LCP2: variants seen among roughly 807,000 people sequenced by gnomAD.
LCP2 encodes the protein lymphocyte cytosolic protein 2, also known as 76 kDa tyrosine phosphoprotein.
Under a neutral mutation model 74.5 loss-of-function variants are expected in LCP2, and 29 were observed. The ratio of observed to expected loss-of-function variants is 0.39; its 90% CI spans 0.29 to 0.53. The LOEUF (loss-of-function observed/expected upper bound fraction) is 0.53, where lower values mean the gene tolerates loss of function less well. Ranked by LOEUF, LCP2 falls within the 20% of genes least tolerant of loss-of-function variation. The pLI is 0.72. For missense variants in LCP2, 604 were observed against 634.6 expected, an observed-to-expected ratio of 0.95 and a Z score of 0.52; for synonymous variants, 228 against 229.5, an observed-to-expected ratio of 0.99 and a Z score of 0.06.
At chr5:170,253,755 C>T (rs1761497779) in intron 17 of LCP2, among the ~76,000 whole-genome samples, 1 of 152,216 alleles carries the variant, frequency 6.6e-6, no homozygotes. Flanking sequence ...TGGCTACCCG[C>T]TGTTCTAACT....
chr5:170,275,848 C>T lies in LCP2; in HGVS notation c.201G>A (p.Lys67=). 1 of 1,573,382 alleles carries T rather than the reference C, an allele frequency of 6.4e-7. No individual in the cohort carries two copies. The highest frequency in any genetic ancestry group is 8.6e-7 in the Non-Finnish European group (1 of 1,156,852). The change falls in exon 4 of 21, where the codon AAG becomes AAA. Residue 67 remains lysine, a synonymous_variant. Transcript: ENST00000046794. ...CGTTCTTGTTGATTTCCTGACTTAA[C>T]TTACTGAGAATCCTGCAAGATAAAG... ...FPKLRVPILS[K]LSQEINKNEE...
chr5:170,266,201 C>T lies in LCP2; in HGVS notation c.772+607G>A, dbSNP rs2860037. 1.7e-4 allele frequency among the ~76,000 whole-genome samples: 26 copies of T among 152,296 alleles called. No homozygotes were observed. The East Asian group carries it at 4.6e-3, about 27-fold the overall frequency. ...AAGGTAACTGCAATCCAAGAATATTCTGCGTAAATTGTGAAGAAAAAGCAC... is the reference window on the plus strand; with the variant it reads ...AAGGTAACTGCAATCCAAGAATATTTTGCGTAAATTGTGAAGAAAAAGCAC... On this transcript the variant is annotated intron_variant, in intron 10 of 20. Coordinates refer to ENST00000046794, the MANE Select transcript of LCP2 (RefSeq NM_005565.5).
chr5:170,272,717 A>G (rs1761917909), intron 6 of LCP2, among the ~76,000 whole-genome samples: 1 of 144,380 alleles, frequency 6.9e-6, no homozygotes, highest in Non-Finnish European at 1.5e-5. Context: ...GGTTCAAGCA[A>G]TTCTCCTGCC....
At chr5:170,289,623 T>C (rs1347224687) in intron 2 of LCP2, among the ~76,000 whole-genome samples, 1 of 92,210 alleles carries the variant, frequency 1.1e-5, no homozygotes, top group African/African-American at 4.6e-5. Flanking sequence ...TTCTTTTTCT[T>C]TCTTTCTTTC....
In LCP2 at chr5:170,297,705, C is replaced by A; in HGVS notation, c.-94G>T. The stretch of plus-strand genomic sequence containing the variant: ...ATCCAGAGCTCGGAGGCGTTCTTGG[C>A]TCTTCCAACTCCCAGCTACCCTGTG... On this transcript the variant is annotated 5_prime_UTR_variant, in exon 1 of 21. Transcript: ENST00000046794. 1 of 1,001,208 alleles carries A rather than the reference C, an allele frequency of 1.0e-6. No homozygotes were observed. Among genetic ancestry groups the A allele is most frequent in the South Asian group, 1.6e-5 (1 of 62,966 alleles). 62.0% of individuals were successfully genotyped at this position (1,001,208 alleles called of 1,614,324 possible).
In LCP2 at chr5:170,287,937, C is replaced by T. The variant is rs374566842; in HGVS notation, c.188+33G>A. On this transcript the variant is annotated intron_variant, in intron 3 of 20. Transcript: ENST00000046794. The stretch of plus-strand genomic sequence containing the variant: ...CTACTCCCCATTCCCACCTCTGCTC[C>T]CAGATCACCCATAGAGTTGGAGGAG... 5.6e-6 allele frequency: 9 copies of T among 1,604,194 alleles called. No homozygotes were observed. In the African/African-American group the frequency reaches 1.1e-4, roughly 19 times the overall value.
At chr5:170,260,092 C>T (rs962400373) in intron 14 of LCP2, among the ~76,000 whole-genome samples, 1 of 152,210 alleles carries the variant, frequency 6.6e-6, no homozygotes, top group Admixed American at 6.5e-5. Flanking sequence ...TCCCCATGGG[C>T]TTTCTTTAAG....
chr5:170,253,354 G>C (rs1761490112), intron 17 of LCP2, 141 bp from the exon 18 acceptor site: 2 of 521,780 alleles, frequency 3.8e-6, no homozygotes, highest in Middle Eastern at 4.0e-4. Context: ...AGAAACAAGG[G>C]CTTCAAAAAT....
At position 170,256,844 on chromosome 5, in the gene LCP2, T is replaced by G. The variant is rs1761561760; in HGVS notation, c.1101-269A>C. On this transcript the variant is annotated intron_variant, in intron 16 of 20. Transcript: ENST00000046794. The surrounding 1 kb of genome is among the most constrained non-coding windows in gnomAD (Gnocchi z 4.5). ...AACTGTGTAAAGGGCACTTAACAGT[T>G]ACTTTAAAAATTGGCTGCAACTTGA... Among the ~76,000 whole-genome samples the G allele has an allele frequency of 6.6e-6, 1 of 152,208 alleles. No homozygotes were observed. The highest frequency in any genetic ancestry group is 1.5e-5 in the Non-Finnish European group (1 of 68,042).
chr5:170,290,710 C>T (rs1435071850), intron 2 of LCP2, among the ~76,000 whole-genome samples: 1 of 152,162 alleles, frequency 6.6e-6, no homozygotes, highest in East Asian at 1.9e-4. Context: ...CCCCTGGCAC[C>T]CGCCTATACA....
intron 3 of LCP2, among the ~76,000 whole-genome samples, chr5:170,283,044 T>G (rs1762130029): frequency 1.3e-5 from 2 of 152,190 alleles, no homozygotes; most frequent in African/African-American, 4.8e-5. Flanking sequence ...TGTTATACAT[T>G]TCTGCCAAGA....
chr5:170,274,976 CA>C (rs57336424), intron 5 of LCP2, among the ~76,000 whole-genome samples: 10,733 of 65,606 alleles, frequency 0.16, 1,259 homozygotes, highest in African/African-American at 0.42. Context: ...GACTCTGTCT[CA>C]AAAAAAAAAA....
intron 7 of LCP2, among the ~76,000 whole-genome samples, chr5:170,269,138 AC>A (rs1448638691): frequency 6.6e-6 from 1 of 152,210 alleles, no homozygotes; most frequent in Non-Finnish European, 1.5e-5. Context: ...AACTTCTGTT[AC>A]CAGACCACAG....
At chr5:170,249,364 ATATATATATATATATATCTACATATC>A (rs1245351841) in intron 20 of LCP2, among the ~76,000 whole-genome samples, 1 of 114,230 alleles carries the variant, frequency 8.8e-6, no homozygotes. Context: ...ATGCGTGTGT[ATATATATATATATATATCTACATATC>A]TATATATATA....
intron 6 of LCP2, among the ~76,000 whole-genome samples, chr5:170,273,587 T>C (rs1761933690): frequency 6.6e-6 from 1 of 152,138 alleles, no homozygotes; most frequent in East Asian, 1.9e-4. Flanking sequence ...TCTACGCACG[T>C]CACGTTCTGC....
intron 3 of LCP2, among the ~76,000 whole-genome samples, chr5:170,278,134 TGCA>T (rs1442112103): frequency 3.3e-5 from 5 of 150,658 alleles, no homozygotes; most frequent in Non-Finnish European, 7.4e-5. Flanking sequence ...TGGTGCTGGC[TGCA>T]GCAGCCACTC....
At chr5:170,289,909 G>A (rs1762260427) in intron 2 of LCP2, among the ~76,000 whole-genome samples, 1 of 151,826 alleles carries the variant, frequency 6.6e-6, no homozygotes, top group Non-Finnish European at 1.5e-5. Flanking sequence ...TGAGCAGCTG[G>A]CCACCAGCTT....
At chr5:170,253,561 G>A (rs1761493084) in intron 17 of LCP2, among the ~76,000 whole-genome samples, 1 of 152,196 alleles carries the variant, frequency 6.6e-6, no homozygotes. Flanking sequence ...GAATGCTCAA[G>A]AGACAAATTT....
At chr5:170,280,750 G>A (rs549663602) in intron 3 of LCP2, among the ~76,000 whole-genome samples, 137 of 152,332 alleles carry the variant, frequency 9.0e-4, no homozygotes, top group Non-Finnish European at 9.1e-4. Flanking sequence ...GCTCATGCCT[G>A]TAATCCCAGC....
Sources: allele counts gnomAD v4.1 joint callset (sites outside exome capture counted in the v4.1 genomes callset), GRCh38; gene constraint gnomAD v4.1.1; non-coding constraint Gnocchi (gnomAD v3.1); transcripts MANE v1.5; gene names NCBI Gene and HGNC (gene_info 2026-07-23, HGNC 2026-07-21).